FAM184A: variants seen among roughly 807,000 people sequenced by gnomAD.
FAM184A encodes protein FAM184A.
A neutral mutation model predicts 143.8 loss-of-function variants in FAM184A; 99 were observed. The observed-to-expected ratio is 0.69, with a 90% confidence interval of 0.58 to 0.81. The LOEUF is 0.81. Among genes scored for constraint, FAM184A ranks in the 40% least tolerant of loss-of-function variants. FAM184A has a pLI of 0.00. For missense variants in FAM184A, 1,217 were observed against 1,310.5 expected, an observed-to-expected ratio of 0.93 and a Z score of 1.10; for synonymous variants, 427 against 446.4, an observed-to-expected ratio of 0.96 and a Z score of 0.55.
chr6:119,003,348 G>T (rs190634613), intron 8 of FAM184A, among the ~76,000 whole-genome samples, 153 bp downstream of exon 8: 3 of 151,986 alleles, frequency 2.0e-5, no homozygotes, highest in African/African-American at 7.2e-5. Flanking sequence ...GAATTCAAAC[G>T]GAAAATAAAT....
At chr6:119,144,605 C>G (rs1053757862) in intron 1 of FAM184A, among the ~76,000 whole-genome samples, 1 of 152,226 alleles carries the variant, frequency 6.6e-6, no homozygotes, top group Non-Finnish European at 1.5e-5. Context: ...GGGGAACAAA[C>G]TCTTTCTTTG....
At position 119,043,380 on chromosome 6, in the gene FAM184A, G is replaced by T. The variant is rs576288672; in HGVS notation, c.160-18567C>A. Among the ~76,000 whole-genome samples, 18 of 152,330 alleles carry T rather than the reference G, an allele frequency of 1.2e-4. 1 individual carries two copies. In the East Asian group the frequency reaches 3.3e-3, roughly 28 times the overall value. ...GCTCAAGGTAAGAACATGGGCAAGT[G>T]TGAGAAAATGGAACCCAGGGAAGCC... On this transcript the variant is annotated intron_variant, in intron 1 of 17. Transcript: ENST00000338891.
intron 1 of FAM184A, among the ~76,000 whole-genome samples, chr6:119,133,565 G>A (rs1400100006): frequency 1.3e-5 from 2 of 152,128 alleles, no homozygotes; most frequent in Admixed American, 6.5e-5. Context: ...CTTGCGGTAA[G>A]TTGGGCCTTT....
intron 1 of FAM184A, among the ~76,000 whole-genome samples, chr6:119,070,943 G>C (rs911823864): frequency 6.6e-6 from 1 of 151,268 alleles, no homozygotes; most frequent in African/African-American, 2.4e-5. Context: ...AATTGAAAGG[G>C]CAAAATAACA....
Position 119,016,802 on chromosome 6 carries a change from A to G in FAM184A, c.1475T>C (p.Met492Thr). The G allele has an allele frequency of 3.1e-6, 5 of 1,614,172 alleles. No individual in the cohort carries two copies. Among genetic ancestry groups the G allele is most frequent in the Non-Finnish European group, 4.2e-6 (5 of 1,180,026 alleles). Residue 492 changes from methionine (M) to threonine (T), a missense_variant, in exon 5 of 18, where the codon ATG becomes ACG. Met to Thr is a moderately conservative substitution (Grantham distance 81). Coordinates refer to ENST00000338891, the MANE Select transcript of FAM184A (RefSeq NM_024581.6). Reference sequence around the variant, plus strand: ...ATTACTGTGGACAGCTTCAATTGCCATATGGTGCTTCCAAGCTAATTCTTC... The same window carrying G: ...ATTACTGTGGACAGCTTCAATTGCCGTATGGTGCTTCCAAGCTAATTCTTC... ...TLEELAWKHH[M>T]AIEAVHSNAI...
chr6:119,085,565 T>A (rs1788197727), intron 1 of FAM184A, among the ~76,000 whole-genome samples: 1 of 152,174 alleles, frequency 6.6e-6, no homozygotes, highest in African/African-American at 2.4e-5. Flanking sequence ...TGTCTTCTTC[T>A]GAGCACTTCA....
At position 119,145,953 on chromosome 6, in the gene FAM184A, G is replaced by A. The variant is rs367631181; in HGVS notation, c.-202+3125C>T. ...TGATTTTACAGCTAGAAGTTGAACC[G>A]AGGCAATCTGACACCAGAGCCAGAG... On this transcript the variant is annotated intron_variant, in intron 1 of 16. Transcript: ENST00000352896. Among the ~76,000 whole-genome samples the A allele has an allele frequency of 5.3e-5, 8 of 152,240 alleles. No homozygotes were observed. In the East Asian group the frequency reaches 9.6e-4, roughly 18 times the overall value.
intron 1 of FAM184A, among the ~76,000 whole-genome samples, chr6:119,089,001 C>G (rs1788298874): frequency 6.6e-6 from 1 of 151,838 alleles, no homozygotes; most frequent in African/African-American, 2.4e-5. Context: ...ACTAAATGAT[C>G]TTGAGTATTT....
In FAM184A at chr6:119,020,018, A is replaced by G. The variant is rs1450615763; in HGVS notation, c.1292T>C (p.Leu431Pro). 6.2e-7 allele frequency: 1 copy of G among 1,604,668 alleles called. No individual in the cohort carries two copies. The highest frequency in any genetic ancestry group is 1.1e-5 in the South Asian group (1 of 88,680). The change falls in exon 4 of 18, where the codon CTG (leucine) becomes CCG (proline). Residue 431 changes from leucine (L) to proline (P), a missense_variant. By Grantham distance (98) the Leu-to-Pro change is moderately conservative. Transcript: ENST00000338891. ...AATCTGTTGCTTCTGCTCTTCATCC[A>G]GACTTTGGGTTTTGCTTCGCAAAAA... is the stretch of plus-strand genomic sequence containing the variant. ...RAFLRSKTQS[L>P]DEEQKQQILE...
chr6:119,119,877 A>G (rs1017210433), intron 1 of FAM184A, among the ~76,000 whole-genome samples: 3 of 152,182 alleles, frequency 2.0e-5, no homozygotes, highest in Admixed American at 2.0e-4. Flanking sequence ...CTGTAGTCCC[A>G]GGAGGCTGAG....
chr6:119,014,089 TGCATGTG>T (rs1785167641), intron 5 of FAM184A, among the ~76,000 whole-genome samples: 2 of 152,386 alleles, frequency 1.3e-5, no homozygotes, highest in East Asian at 3.9e-4. Flanking sequence ...TCTTACTAGT[TGCATGTG>T]CTTGAGCACA....
At chr6:119,106,676 G>T (rs78147940) in intron 1 of FAM184A, among the ~76,000 whole-genome samples, 1 of 152,118 alleles carries the variant, frequency 6.6e-6, no homozygotes, top group Non-Finnish European at 1.5e-5. Flanking sequence ...GAAGGGCTTC[G>T]GTAAATTACT....
In FAM184A at chr6:119,085,719, T is replaced by C. The variant is rs138460040; in HGVS notation, c.-201-60906A>G. On this transcript the variant is annotated intron_variant, in intron 1 of 16. Transcript: ENST00000352896. Reference sequence around the variant, plus strand: ...GCAGAAATATTTGAGACTGGGTAATTTATAAAGAAAAAAGGTTTAATCGGC... The same window carrying C: ...GCAGAAATATTTGAGACTGGGTAATCTATAAAGAAAAAAGGTTTAATCGGC... Among the ~76,000 whole-genome samples the C allele has an allele frequency of 5.3e-3, 802 of 152,290 alleles. 5 individuals carry two copies. The highest frequency in any genetic ancestry group is 0.018 in the African/African-American group (758 of 41,550).
At chr6:119,032,354 G>A (rs571135449) in intron 1 of FAM184A, among the ~76,000 whole-genome samples, 2 of 151,574 alleles carry the variant, frequency 1.3e-5, no homozygotes, top group Non-Finnish European at 2.9e-5. Context: ...ATGAATGTAT[G>A]TTCCTATTAT....
chr6:119,099,848 T>G (rs953705085), intron 1 of FAM184A, among the ~76,000 whole-genome samples: 1 of 152,190 alleles, frequency 6.6e-6, no homozygotes, highest in African/African-American at 2.4e-5. Flanking sequence ...CAGTCTCCTT[T>G]GTAACAAGCC....
intron 4 of FAM184A, 112 bp downstream of exon 4, chr6:119,019,863 AAGT>A: frequency 1.1e-6 from 1 of 924,186 alleles, no homozygotes; most frequent in Non-Finnish European, 1.6e-6. Flanking sequence ...ATAACTACTA[AAGT>A]AGGAAATGTA....
At chr6:119,105,434 C>T (rs1056085565) in intron 1 of FAM184A, among the ~76,000 whole-genome samples, 13 of 152,260 alleles carry the variant, frequency 8.5e-5, no homozygotes, top group Middle Eastern at 3.4e-3. Context: ...CCCCCTCACT[C>T]GCTGTCTCTC....
chr6:118,998,632 G>A (rs1347703166), intron 9 of FAM184A, among the ~76,000 whole-genome samples: 1 of 152,242 alleles, frequency 6.6e-6, no homozygotes, highest in African/African-American at 2.4e-5. Context: ...CTGATTAAGT[G>A]AAGGGAAAAG....
intron 1 of FAM184A, among the ~76,000 whole-genome samples, chr6:119,100,604 T>C (rs1449224527): frequency 1.3e-5 from 2 of 148,520 alleles, no homozygotes; most frequent in Non-Finnish European, 2.9e-5. Flanking sequence ...ATAAAGCCAA[T>C]AGCTAGTTTA....
Sources: gnomAD v4.1 joint callset for allele counts (sites outside exome capture counted in the v4.1 genomes callset) on GRCh38, gnomAD v4.1.1 for gene constraint, MANE v1.5 for transcripts, NCBI Gene and HGNC (gene_info 2026-07-23, HGNC 2026-07-21) for gene names.